ZFP14: variants seen among roughly 807,000 people sequenced by gnomAD.
The protein encoded by ZFP14 is ZFP14 zinc finger protein.
Under a neutral mutation model 54.5 loss-of-function variants are expected in ZFP14, and 22 were observed. That is an observed-to-expected ratio of 0.40 (90% confidence interval 0.29 to 0.58). The LOEUF (loss-of-function observed/expected upper bound fraction) is 0.58, where lower values mean the gene tolerates loss of function less well. Ranked by LOEUF, ZFP14 falls within the 20% of genes least tolerant of loss-of-function variation. ZFP14 has a pLI of 0.39. For missense variants in ZFP14, 470 were observed against 637.8 expected (o/e 0.74, Z 2.83); for synonymous variants, 159 against 204.0 (o/e 0.78, Z 1.88).
rs1002685614 is a variant in ZFP14 at position 36,335,589 on chromosome 19, A to G, written c.*4635T>C. 2.0e-5 allele frequency: 3 copies of G among 151,926 alleles called. No homozygotes were observed. Among genetic ancestry groups the G allele is most frequent in the Non-Finnish European group, 4.4e-5 (3 of 68,006 alleles). The allele number at this position is 151,926 out of a possible 1,614,324, so 9.4% of individuals were successfully genotyped here. A position where few individuals can be genotyped will look rare whatever the true frequency, so the allele number is the denominator to read the frequency against. On this transcript the variant is annotated 3_prime_UTR_variant, in exon 5 of 5. Coordinates refer to ENST00000270001, the MANE Select transcript of ZFP14 (RefSeq NM_020917.3). The stretch of plus-strand genomic sequence containing the variant: ...GGAGTTCACACACACACACACACAC[A>G]CACATTTTTTGTTAATCTATTTGGG...
chr19:36,376,742 C>G (rs2031968612), intron 1 of ZFP14, among the ~76,000 whole-genome samples: 1 of 152,046 alleles, frequency 6.6e-6, no homozygotes, highest in Admixed American at 6.6e-5. Context: ...TATTATGTGC[C>G]AAGCATTAGC....
intron 1 of ZFP14, among the ~76,000 whole-genome samples, chr19:36,373,283 A>C (rs576193620): frequency 6.6e-6 from 1 of 152,010 alleles, no homozygotes; most frequent in East Asian, 1.9e-4. Context: ...GTCTCAAAAA[A>C]AAAAAACAAA....
chr19:36,351,216 G>A (rs1274343373), intron 4 of ZFP14, among the ~76,000 whole-genome samples: 2 of 144,002 alleles, frequency 1.4e-5, no homozygotes, highest in Non-Finnish European at 3.1e-5. Context: ...CATGACAACA[G>A]AGCTGGGTAC....
At chr19:36,344,579 C>T (rs2031380141) in intron 4 of ZFP14, among the ~76,000 whole-genome samples, 1 of 151,236 alleles carries the variant, frequency 6.6e-6, no homozygotes, top group Admixed American at 6.6e-5. Flanking sequence ...AACCCCCAGG[C>T]CACAGACCAG....
intron 2 of ZFP14, among the ~76,000 whole-genome samples, chr19:36,366,652 A>G (rs896563440): frequency 6.6e-6 from 1 of 152,124 alleles, no homozygotes. Context: ...GCAAAATTAC[A>G]TTATAGTGTT....
chr19:36,355,499 G>A (rs1323551061), intron 4 of ZFP14, among the ~76,000 whole-genome samples: 1 of 140,998 alleles, frequency 7.1e-6, no homozygotes, highest in Non-Finnish European at 1.6e-5. Context: ...GGAATACAGG[G>A]AGATCTCTGT....
intron 4 of ZFP14, among the ~76,000 whole-genome samples, chr19:36,358,777 T>C (rs1306210974): frequency 6.6e-5 from 10 of 152,192 alleles, no homozygotes; most frequent in Non-Finnish European, 1.5e-4. Flanking sequence ...AAAACTCATG[T>C]TGAAAATTAA....
intron 4 of ZFP14, among the ~76,000 whole-genome samples, chr19:36,347,198 G>A (rs1298567810): frequency 6.6e-6 from 1 of 152,178 alleles, no homozygotes; most frequent in Admixed American, 6.6e-5. Context: ...TGCAAGTAGG[G>A]TGAAGTTGTA....
chr19:36,342,249 C>T lies in ZFP14; in HGVS notation c.236-659G>A, dbSNP rs1384176023. Among the ~76,000 whole-genome samples, 4 of 142,656 alleles carry T rather than the reference C, an allele frequency of 2.8e-5. No homozygotes were observed. The East Asian group carries it at 8.4e-4, about 30-fold the overall frequency. The allele number at this position is 142,656 out of a possible 152,430, so 93.6% of individuals were successfully genotyped here. A position where few individuals can be genotyped will look rare whatever the true frequency, so the allele number is the denominator to read the frequency against. Reference sequence around the variant, plus strand: ...AGGCTGGAGTGCAGTGGCACAATCTCGGCTCACTGCAACCTCTGCCTCCTG... The same window carrying T: ...AGGCTGGAGTGCAGTGGCACAATCTTGGCTCACTGCAACCTCTGCCTCCTG... On this transcript the variant is annotated intron_variant, in intron 4 of 4. Coordinates refer to ENST00000270001, the MANE Select transcript of ZFP14 (RefSeq NM_020917.3).
Position 36,341,369 on chromosome 19 carries a change from A to G in ZFP14, c.457T>C (p.Tyr153His). ...TCAGTAAGAAAATTGTGCCTTTTGT[A>G]AGTGGTCATTTTTTCAGAGGTAATT... ...VKITSEKMTT[Y>H]KRHNFLTEYQ... Residue 153 changes from tyrosine (Y) to histidine (H), a missense_variant, in exon 5 of 5, where the codon TAC (tyrosine) becomes CAC (histidine). Tyr to His is a moderately conservative substitution (Grantham distance 83). Transcript: ENST00000270001. The surrounding 1 kb of genome is among the most constrained non-coding windows in gnomAD (Gnocchi z 4.2). The G allele has an allele frequency of 6.2e-7, 1 of 1,614,090 alleles. No individual in the cohort carries two copies. Among genetic ancestry groups the G allele is most frequent in the Non-Finnish European group, 8.5e-7 (1 of 1,179,998 alleles).
At chr19:36,358,633 T>C (rs2031661099) in intron 4 of ZFP14, among the ~76,000 whole-genome samples, 1 of 152,182 alleles carries the variant, frequency 6.6e-6, no homozygotes, top group South Asian at 2.1e-4. Flanking sequence ...AGGTGCCCCT[T>C]ACCAGATTGA....
At chr19:36,358,338 T>C (rs2031656287) in intron 4 of ZFP14, among the ~76,000 whole-genome samples, 1 of 152,136 alleles carries the variant, frequency 6.6e-6, no homozygotes, top group Admixed American at 6.5e-5. Context: ...CTCGAACTCC[T>C]GACCTCAACT....
At chr19:36,347,780 G>C (rs987367819) in intron 4 of ZFP14, among the ~76,000 whole-genome samples, 3 of 152,110 alleles carry the variant, frequency 2.0e-5, no homozygotes, top group African/African-American at 7.2e-5. Context: ...ATGAAATCAG[G>C]CTGTGCGCAG....
At chr19:36,361,629 G>T (rs1165333502) in intron 3 of ZFP14, among the ~76,000 whole-genome samples, 1 of 151,896 alleles carries the variant, frequency 6.6e-6, no homozygotes, top group East Asian at 1.9e-4. Context: ...CCGCCTCCTG[G>T]GTTTAAGTGA....
chr19:36,352,826 A>T (rs1432558579), intron 4 of ZFP14, among the ~76,000 whole-genome samples: 1 of 141,756 alleles, frequency 7.1e-6, no homozygotes, highest in Non-Finnish European at 1.6e-5. Flanking sequence ...CTGTAGTCCC[A>T]GCTACTTGGG....
intron 1 of ZFP14, among the ~76,000 whole-genome samples, chr19:36,372,147 G>A (rs2031889926): frequency 1.3e-5 from 2 of 151,794 alleles, no homozygotes; most frequent in South Asian, 4.2e-4. Context: ...AAAAAAGAAA[G>A]AGGAAAGAGA....
chr19:36,360,483 T>G lies in ZFP14; in HGVS notation c.187A>C (p.Lys63Gln). Residue 63 changes from lysine (K) to glutamine (Q), a missense_variant, in exon 4 of 5, where the codon AAG (lysine) becomes CAG (glutamine). Transcript: ENST00000270001. ...DVITLLDEER[K>Q]EPGMVVREGT... ...TCCCTCACAACCATCCCAGGTTCCTTCCTTTCTTCATCCAATAAGGTAATC... is the reference window on the plus strand; with the variant it reads ...TCCCTCACAACCATCCCAGGTTCCTGCCTTTCTTCATCCAATAAGGTAATC... The G allele has an allele frequency of 6.2e-7, 1 of 1,613,872 alleles. No homozygotes were observed. Among genetic ancestry groups the G allele is most frequent in the South Asian group, 1.1e-5 (1 of 90,986 alleles).
intron 4 of ZFP14, among the ~76,000 whole-genome samples, chr19:36,346,867 T>C (rs1251647895): frequency 2.0e-5 from 3 of 152,240 alleles, no homozygotes; most frequent in African/African-American, 7.2e-5. Context: ...AAGGTAGAGA[T>C]AACGTCTCTG....
chr19:36,350,067 G>A (rs1275992470), intron 4 of ZFP14, among the ~76,000 whole-genome samples: 1 of 139,052 alleles, frequency 7.2e-6, no homozygotes, highest in Non-Finnish European at 1.6e-5. Context: ...TCTGCAGTGA[G>A]CTGAGATTGT....
Sources: gnomAD v4.1 joint callset for allele counts (sites outside exome capture counted in the v4.1 genomes callset) on GRCh38, gnomAD v4.1.1 for gene constraint, Gnocchi (gnomAD v3.1) non-coding constraint, MANE v1.5 for transcripts, NCBI Gene and HGNC (gene_info 2026-07-23, HGNC 2026-07-21) for gene names.